Variants in ACSS3 observed in about 807,000 individuals in gnomAD.
ACSS3 encodes the protein acyl-CoA synthetase short-chain family member 3, mitochondrial.
A neutral mutation model predicts 84.2 loss-of-function variants in ACSS3; 64 were observed. The ratio of observed to expected loss-of-function variants is 0.76; its 90% CI spans 0.62 to 0.94. The LOEUF is 0.94. Among genes scored for constraint, ACSS3 ranks in the 40% least tolerant of loss-of-function variants. The pLI, the probability that ACSS3 is intolerant of heterozygous loss-of-function variation, is 0.00. For missense variants in ACSS3, 815 were observed against 867.6 expected (o/e 0.94, Z 0.76); for synonymous variants, 317 against 310.1 (o/e 1.02, Z -0.23).
Position 81,125,972 on chromosome 12 carries a change from A to G in ACSS3, c.457-8844A>G, listed in dbSNP as rs1049662128. The G allele has an allele frequency of 2.0e-5, 3 of 152,224 alleles. No individual in the cohort carries two copies. In the East Asian group the frequency reaches 5.8e-4, roughly 29 times the overall value. 9.4% of individuals were successfully genotyped at this position (152,224 alleles called of 1,614,324 possible). ...TACATTAATGATTCTAGTTTATGCA[A>G]TAATCATTACATTTTAAGAATGTGG... On this transcript the variant is annotated intron_variant, in intron 2 of 15. Transcript: ENST00000548058.
chr12:81,092,585 T>C (rs2121339969), intron 1 of ACSS3, among the ~76,000 whole-genome samples: 1 of 152,208 alleles, frequency 6.6e-6, no homozygotes, highest in South Asian at 2.1e-4. Flanking sequence ...ACAACTAATT[T>C]TAATTTTATC....
chr12:81,239,852 T>C (rs1399883324), intron 13 of ACSS3, among the ~76,000 whole-genome samples: 1 of 152,026 alleles, frequency 6.6e-6, no homozygotes, highest in Non-Finnish European at 1.5e-5. Context: ...AGTTTGTTCA[T>C]ACTAATAACA....
intron 8 of ACSS3, among the ~76,000 whole-genome samples, chr12:81,179,271 C>CAAAAAAAA (rs71098127): frequency 9.0e-5 from 6 of 66,770 alleles, no homozygotes; most frequent in African/African-American, 2.6e-4. Flanking sequence ...AAGTAATTGC[C>CAAAAAAAA]AAAAAAAAAA....
chr12:81,145,342 T>C (rs1886291536), intron 5 of ACSS3, among the ~76,000 whole-genome samples: 1 of 152,156 alleles, frequency 6.6e-6, no homozygotes, highest in Non-Finnish European at 1.5e-5. Context: ...TCAATAAATT[T>C]GAGAGGGCTT....
intron 2 of ACSS3, among the ~76,000 whole-genome samples, chr12:81,132,861 T>C (rs189182380): frequency 2.0e-5 from 3 of 152,290 alleles, no homozygotes; most frequent in Non-Finnish European, 4.4e-5. Flanking sequence ...CTCAGTGTGG[T>C]ACCTTAAATG....
chr12:81,166,548 C>T (rs569833761), intron 7 of ACSS3, among the ~76,000 whole-genome samples: 16 of 152,122 alleles, frequency 1.1e-4, no homozygotes, highest in East Asian at 7.7e-4. Context: ...CAGGAGAATC[C>T]GAAAAGCAAA....
chr12:81,240,409 C>T (rs1418141149), intron 13 of ACSS3, among the ~76,000 whole-genome samples: 2 of 151,960 alleles, frequency 1.3e-5, no homozygotes, highest in African/African-American at 4.8e-5. Flanking sequence ...TTCTCCATCC[C>T]TTTACTTTTA....
At chr12:81,093,948 A>T (rs1881845719) in intron 1 of ACSS3, among the ~76,000 whole-genome samples, 1 of 151,300 alleles carries the variant, frequency 6.6e-6, no homozygotes, top group East Asian at 1.9e-4. Context: ...TTGGTAGCTC[A>T]TTTTTTTTCA....
chr12:81,183,022 G>A (rs769879161), intron 8 of ACSS3, among the ~76,000 whole-genome samples: 1 of 152,106 alleles, frequency 6.6e-6, no homozygotes, highest in Non-Finnish European at 1.5e-5. Flanking sequence ...CTGGCAAAGG[G>A]TCCAGCTGCT....
intron 7 of ACSS3, among the ~76,000 whole-genome samples, chr12:81,162,481 A>G (rs943792056): frequency 6.6e-6 from 1 of 152,122 alleles, no homozygotes; most frequent in Non-Finnish European, 1.5e-5. Flanking sequence ...GGTCTTCAGA[A>G]GGGAGAAAGT....
At chr12:81,080,698 A>G (rs1237708954) in intron 1 of ACSS3, among the ~76,000 whole-genome samples, 1 of 152,132 alleles carries the variant, frequency 6.6e-6, no homozygotes, top group Non-Finnish European at 1.5e-5. Context: ...TTGGTTAGCA[A>G]ATTTCCACAA....
At chr12:81,210,792 C>G (rs1470056982) in intron 9 of ACSS3, among the ~76,000 whole-genome samples, 2 of 152,140 alleles carry the variant, frequency 1.3e-5, no homozygotes, top group African/African-American at 4.8e-5. Context: ...TTTTCTCTCT[C>G]CAGTCTCCCA....
At chr12:81,149,065 C>T (rs1410879895) in intron 5 of ACSS3, among the ~76,000 whole-genome samples, 1 of 151,352 alleles carries the variant, frequency 6.6e-6, no homozygotes, top group African/African-American at 2.4e-5. Flanking sequence ...GGTGACAGAG[C>T]AAGACTCCAT....
rs140513313 is a variant in ACSS3 at position 81,201,835 on chromosome 12, C to T, written c.1354+2391C>T. On this transcript the variant is annotated intron_variant, in intron 9 of 15. Transcript: ENST00000548058. ...GTAGATAGGTAGCTAGTAGCTAGAT[C>T]GCTAGATTATTTTGTGCTTTGTAAA... Among the ~76,000 whole-genome samples, 27 of 152,220 alleles carry T rather than the reference C, an allele frequency of 1.8e-4. No individual in the cohort carries two copies. The East Asian group carries it at 5.0e-3, about 28-fold the overall frequency.
chr12:81,092,556 C>A (rs936876519), intron 1 of ACSS3, among the ~76,000 whole-genome samples: 3 of 151,986 alleles, frequency 2.0e-5, no homozygotes, highest in Non-Finnish European at 4.4e-5. Flanking sequence ...ACTAATGAAT[C>A]CTTTAATAGA....
intron 2 of ACSS3, among the ~76,000 whole-genome samples, chr12:81,123,572 T>A (rs1419426265): frequency 6.6e-6 from 1 of 152,122 alleles, no homozygotes; most frequent in Non-Finnish European, 1.5e-5. Flanking sequence ...GTTGTTCAGA[T>A]GAGCACAGTA....
chr12:81,182,762 G>C (rs1485026869), intron 8 of ACSS3, among the ~76,000 whole-genome samples: 1 of 152,038 alleles, frequency 6.6e-6, no homozygotes, highest in Non-Finnish European at 1.5e-5. Flanking sequence ...TCTCTCCCCA[G>C]TCTCAGGACA....
At chr12:81,225,594 C>T (rs1289806904) in intron 11 of ACSS3, among the ~76,000 whole-genome samples, 1 of 151,930 alleles carries the variant, frequency 6.6e-6, no homozygotes, top group Non-Finnish European at 1.5e-5. Context: ...TAAAGTTCAC[C>T]TGATGAACAC....
chr12:81,155,467 A>G (rs1886816134), intron 7 of ACSS3, among the ~76,000 whole-genome samples: 1 of 152,162 alleles, frequency 6.6e-6, no homozygotes, highest in African/African-American at 2.4e-5. Context: ...GATGACATGA[A>G]CTGAGTTCTG....
Sources: allele counts gnomAD v4.1 joint callset (sites outside exome capture counted in the v4.1 genomes callset), GRCh38; gene constraint gnomAD v4.1.1; transcripts MANE v1.5; gene names NCBI Gene and HGNC (gene_info 2026-07-23, HGNC 2026-07-21).